The following GNB1 variants were observed in gnomAD, a reference collection of about 807,000 sequenced individuals.
GNB1 encodes G protein subunit beta 1, also known as guanine nucleotide-binding protein G(I)/G(S)/G(T) subunit beta-1.
A neutral mutation model predicts 42.9 loss-of-function variants in GNB1; 2 were observed. The observed-to-expected ratio is 0.05, with a 90% CI of 0.02 to 0.15. GNB1 has a LOEUF of 0.15. Ranked by LOEUF, GNB1 falls within the 10% of genes least tolerant of loss-of-function variation. The probability of loss-of-function intolerance (pLI) is 1.00; values close to 1 mark genes in which losing one functional copy is unlikely to be tolerated. For missense variants in GNB1, 193 were observed against 462.2 expected, an observed-to-expected ratio of 0.42 and a Z score of 5.34; for synonymous variants, 183 against 174.7, an observed-to-expected ratio of 1.05 and a Z score of -0.38.
rs535288818 is a variant in GNB1 at position 1,785,579 on chromosome 1, G to C, written c.*1484C>G. ...CACTACTGCTGCTATGAAGGAGTGC[G>C]GGGGGCGGGGCGGGGGGTCCCACAG... On this transcript the variant is annotated 3_prime_UTR_variant, in exon 12 of 12. Coordinates refer to ENST00000378609, the MANE Select transcript of GNB1 (RefSeq NM_002074.5). 1 of 169,774 alleles carries C rather than the reference G, an allele frequency of 5.9e-6. No individual in the cohort carries two copies. 10.5% of individuals were successfully genotyped at this position (169,774 alleles called of 1,614,324 possible).
chr1:1,816,109 G>A lies in GNB1; in HGVS notation c.97-247C>T, dbSNP rs1646851708. On this transcript the variant is annotated intron_variant, in intron 4 of 11. Coordinates refer to ENST00000378609, the MANE Select transcript of GNB1 (RefSeq NM_002074.5). ...CCTCCAATGCACGCACACGAACATG[G>A]CCAGCCTTGAAGCACTTGCTGTTCC... Among the ~76,000 whole-genome samples, 2 of 152,154 alleles carry A rather than the reference G, an allele frequency of 1.3e-5. 1 individual carries two copies. Among genetic ancestry groups the A allele is most frequent in the Non-Finnish European group, 2.9e-5 (2 of 68,016 alleles).
chr1:1,819,891 C>G (rs898113343), intron 3 of GNB1, among the ~76,000 whole-genome samples: 1 of 152,162 alleles, frequency 6.6e-6, no homozygotes, highest in African/African-American at 2.4e-5. Flanking sequence ...ATCTGACCAT[C>G]TACTTTCAAA....
intron 5 of GNB1, among the ~76,000 whole-genome samples, chr1:1,811,757 A>C (rs1646782617): frequency 6.6e-6 from 1 of 150,800 alleles, no homozygotes; most frequent in Non-Finnish European, 1.5e-5. Context: ...AAATCAAACA[A>C]ACACAGTTAA....
intron 1 of GNB1, among the ~76,000 whole-genome samples, chr1:1,876,495 G>C (rs1649551685): frequency 1.4e-5 from 2 of 147,144 alleles, no homozygotes; most frequent in South Asian, 2.2e-4. Flanking sequence ...GTGCACACGA[G>C]AGAGAGAGAG....
At chr1:1,817,943 C>T in intron 3 of GNB1, 68 bp from the exon 4 acceptor site, 1 of 1,180,854 alleles carries the variant, frequency 8.5e-7, no homozygotes, top group African/African-American at 1.5e-5. Flanking sequence ...CCACACATAC[C>T]AAAGTTTCAA....
chr1:1,880,088 T>C (rs1023467850), intron 1 of GNB1, among the ~76,000 whole-genome samples: 1 of 151,912 alleles, frequency 6.6e-6, no homozygotes, highest in Non-Finnish European at 1.5e-5. Context: ...CGCACCACCA[T>C]GCCTGGCTAA....
chr1:1,869,883 GACA>G (rs758321052), intron 1 of GNB1, among the ~76,000 whole-genome samples: 1 of 151,380 alleles, frequency 6.6e-6, no homozygotes, highest in East Asian at 1.9e-4. Flanking sequence ...TTTTTCTTGA[GACA>G]ACATCTCACT....
chr1:1,836,347 T>C (rs1238853276), intron 2 of GNB1, among the ~76,000 whole-genome samples: 1 of 151,588 alleles, frequency 6.6e-6, no homozygotes, highest in Non-Finnish European at 1.5e-5. Flanking sequence ...TTCAAGTCAC[T>C]TGCCTCTTTT....
intron 1 of GNB1, among the ~76,000 whole-genome samples, chr1:1,851,146 A>G (rs1402712785): frequency 6.6e-6 from 1 of 152,142 alleles, no homozygotes; most frequent in Non-Finnish European, 1.5e-5. Context: ...GCGGAGGCTC[A>G]TGCCTGCAAT....
At chr1:1,813,543 G>A (rs886141713) in intron 5 of GNB1, among the ~76,000 whole-genome samples, 6 of 152,144 alleles carry the variant, frequency 3.9e-5, no homozygotes, top group African/African-American at 1.2e-4. Flanking sequence ...AACACAGTGG[G>A]GTGATCTGGA....
intron 2 of GNB1, among the ~76,000 whole-genome samples, chr1:1,826,188 G>A (rs367913875): frequency 5.8e-4 from 88 of 152,244 alleles, no homozygotes; most frequent in African/African-American, 2.0e-3. Context: ...AGGCCAAGGC[G>A]GGTGGATCAC....
intron 1 of GNB1, among the ~76,000 whole-genome samples, chr1:1,886,739 C>T (rs1480445359): frequency 6.6e-6 from 1 of 152,168 alleles, no homozygotes; most frequent in Non-Finnish European, 1.5e-5. Flanking sequence ...CGGAGTCTCG[C>T]TGTGTCGCCC....
Position 1,813,353 on chromosome 1 carries a change from C to T in GNB1, c.203+2403G>A, listed in dbSNP as rs990297189. 1.7e-4 allele frequency among the ~76,000 whole-genome samples: 26 copies of T among 152,296 alleles called. No individual in the cohort carries two copies. The East Asian group carries it at 2.3e-3, about 14-fold the overall frequency. ...TTCGAACTCCTGACCTCAAGTGATC[C>T]GCCCACCTCAGCCTCCCAAAGTGCT... On this transcript the variant is annotated intron_variant, in intron 5 of 11. Transcript: ENST00000378609.
chr1:1,861,134 C>G (rs528551667), intron 1 of GNB1, among the ~76,000 whole-genome samples: 1 of 136,750 alleles, frequency 7.3e-6, no homozygotes, highest in African/African-American at 2.6e-5. Context: ...AAAAAGGGAA[C>G]TGACTTCCCA....
intron 7 of GNB1, among the ~76,000 whole-genome samples, chr1:1,798,432 C>T (rs1570631095): frequency 2.0e-5 from 3 of 152,308 alleles, no homozygotes; most frequent in South Asian, 4.1e-4. Context: ...ATGAAGACAC[C>T]GTGCCTAAAA....
chr1:1,825,202 A>G (rs1366594682), intron 3 of GNB1, 195 bp downstream of exon 3: 10 of 579,218 alleles, frequency 1.7e-5, no homozygotes, highest in African/African-American at 1.7e-4. Flanking sequence ...CAAATTGTAT[A>G]CAGAAAGCAA....
Position 1,828,308 on chromosome 1 carries a change from C to T in GNB1, c.-46-2809G>A, listed in dbSNP as rs79391063. Among the ~76,000 whole-genome samples the T allele has an allele frequency of 6.1e-3, 935 of 152,074 alleles. 30 individuals carry two copies. The East Asian group carries it at 0.11, about 18-fold the overall frequency. On this transcript the variant is annotated intron_variant, in intron 2 of 11. Coordinates refer to ENST00000378609, the MANE Select transcript of GNB1 (RefSeq NM_002074.5). ...TGCACTCCAGCCTGAGCAACAACAGCGAAACTCTGTCTCGAGAAAAAAAGA... is the reference window on the plus strand; with the variant it reads ...TGCACTCCAGCCTGAGCAACAACAGTGAAACTCTGTCTCGAGAAAAAAAGA...
chr1:1,887,796 G>A (rs1650239204), intron 1 of GNB1, among the ~76,000 whole-genome samples: 1 of 152,050 alleles, frequency 6.6e-6, no homozygotes, highest in South Asian at 2.1e-4. Flanking sequence ...AATATTTTTA[G>A]TAGATACGAG....
intron 2 of GNB1, among the ~76,000 whole-genome samples, chr1:1,838,330 T>C (rs1238612964): frequency 6.6e-6 from 1 of 152,184 alleles, no homozygotes; most frequent in East Asian, 1.9e-4. Flanking sequence ...CCATGTACCC[T>C]CCTCACCCAG....
Sources: allele counts gnomAD v4.1 joint callset (sites outside exome capture counted in the v4.1 genomes callset), GRCh38; gene constraint gnomAD v4.1.1; transcripts MANE v1.5; gene names NCBI Gene and HGNC (gene_info 2026-07-23, HGNC 2026-07-21).